The following SYNPO2 variants were observed in gnomAD, a reference collection of about 807,000 sequenced individuals.
SYNPO2 encodes synaptopodin-2.
Under a neutral mutation model 85.0 loss-of-function variants are expected in SYNPO2, and 56 were observed. That is an observed-to-expected ratio of 0.66 (90% CI 0.53 to 0.82). SYNPO2 has a LOEUF of 0.82. Among genes scored for constraint, SYNPO2 ranks in the 40% least tolerant of loss-of-function variants. The probability of loss-of-function intolerance (pLI) is 0.00; values close to 1 mark genes in which losing one functional copy is unlikely to be tolerated. For missense variants in SYNPO2, 1,575 were observed against 1,534.2 expected (o/e 1.03, Z -0.44); for synonymous variants, 602 against 591.1 (o/e 1.02, Z -0.27).
At chr4:118,985,845 A>G (rs1560947015) in intron 1 of SYNPO2, among the ~76,000 whole-genome samples, 1 of 152,226 alleles carries the variant, frequency 6.6e-6, no homozygotes. Flanking sequence ...TTGCTGGGCT[A>G]TATTTCATGT....
intron 1 of SYNPO2, among the ~76,000 whole-genome samples, chr4:118,965,963 G>A (rs1479926699): frequency 6.6e-6 from 1 of 152,062 alleles, no homozygotes; most frequent in African/African-American, 2.4e-5. Flanking sequence ...ACTGAGGTGG[G>A]AGGATTGCTT....
intron 1 of SYNPO2, among the ~76,000 whole-genome samples, chr4:118,971,478 T>C (rs1735539554): frequency 6.6e-6 from 1 of 152,242 alleles, no homozygotes; most frequent in Non-Finnish European, 1.5e-5. Flanking sequence ...CACTGGACAA[T>C]GTGACTTAGA....
chr4:118,977,562 C>T (rs1051037439), intron 1 of SYNPO2, among the ~76,000 whole-genome samples: 27 of 152,334 alleles, frequency 1.8e-4, no homozygotes, highest in Non-Finnish European at 2.9e-4. Context: ...GGGGAGGTGC[C>T]GAGAGCAAGC....
At position 119,058,585 on chromosome 4, in the gene SYNPO2, C is replaced by T. The variant is rs531872887; in HGVS notation, c.*651C>T. The T allele has an allele frequency of 1.3e-4, 20 of 150,572 alleles. No individual in the cohort carries two copies. The highest frequency in any genetic ancestry group is 4.6e-4 in the African/African-American group (19 of 40,972). 9.3% of individuals were successfully genotyped at this position (150,572 alleles called of 1,614,324 possible). Reference sequence around the variant, plus strand: ...CGCCTCCTGGGTTCAAGCAATTCTCCTGCCTCAGCCTCCTGAGTAGCTGGG... The same window carrying T: ...CGCCTCCTGGGTTCAAGCAATTCTCTTGCCTCAGCCTCCTGAGTAGCTGGG... On this transcript the variant is annotated 3_prime_UTR_variant, in exon 5 of 5. Transcript: ENST00000307142.
chr4:118,952,832 G>C (rs917442391), intron 1 of SYNPO2, among the ~76,000 whole-genome samples: 1 of 152,034 alleles, frequency 6.6e-6, no homozygotes, highest in Non-Finnish European at 1.5e-5. Flanking sequence ...CAGTGTGCTG[G>C]TGCTTTACAA....
chr4:119,055,344 G>A (rs1199244818), intron 4 of SYNPO2, among the ~76,000 whole-genome samples: 1 of 151,982 alleles, frequency 6.6e-6, no homozygotes, highest in Non-Finnish European at 1.5e-5. Context: ...TAGTAGAGAT[G>A]GGGTTTCACC....
rs190207227 is a variant in SYNPO2, at chr4:119,037,485, C to T, written c.3252+5458C>T. ...TCATTTGTCTTTTCTTCAGGATACA[C>T]GGTAGAAGTCAGAGAATCTTTGATA... is the stretch of plus-strand genomic sequence containing the variant. On this transcript the variant is annotated intron_variant, in intron 4 of 4. Coordinates refer to ENST00000307142, the MANE Select transcript of SYNPO2 (RefSeq NM_133477.3). The T allele has an allele frequency of 5.0e-4, 513 of 1,024,380 alleles. 3 individuals carry two copies. The African/African-American group carries it at 7.2e-3, about 14-fold the overall frequency. 63.5% of individuals were successfully genotyped at this position (1,024,380 alleles called of 1,614,324 possible).
At chr4:119,007,181 G>T (rs58505213) in intron 1 of SYNPO2, among the ~76,000 whole-genome samples, 31,926 of 126,250 alleles carry the variant, frequency 0.25, 4,213 homozygotes, top group Middle Eastern at 0.33. Context: ...CAAGAATGAG[G>T]AGACTGAAAA....
At chr4:119,007,265 T>TGTATATAC (rs1409260554) in intron 1 of SYNPO2, among the ~76,000 whole-genome samples, 4 of 89,264 alleles carry the variant, frequency 4.5e-5, no homozygotes, top group African/African-American at 2.2e-4. Flanking sequence ...TATATATATA[T>TGTATATAC]ATATATATAT....
chr4:119,023,071 T>C (rs946485072), intron 1 of SYNPO2, among the ~76,000 whole-genome samples: 5 of 152,198 alleles, frequency 3.3e-5, no homozygotes, highest in Non-Finnish European at 7.3e-5. Flanking sequence ...CCACCACGCC[T>C]GGCCTGAATA....
intron 1 of SYNPO2, among the ~76,000 whole-genome samples, chr4:118,969,048 G>A (rs905191861): frequency 6.6e-6 from 1 of 152,196 alleles, no homozygotes; most frequent in East Asian, 1.9e-4. Context: ...GCAAGTCCAG[G>A]AGTCTTTCCA....
Position 118,869,609 on chromosome 4 carries a change from G to A in SYNPO2, c.12+18669G>A, listed in dbSNP as rs193291763. 7.4e-3 allele frequency among the ~76,000 whole-genome samples: 1,132 copies of A among 152,242 alleles called. 9 individuals are homozygous for A. Among genetic ancestry groups the A allele is most frequent in the Admixed American group, 0.012 (182 of 15,296 alleles). ...AATTGGTTGACTGGCCGTGTTGGAA[G>A]TTCAAGAGATTCCTCTACTTGAAGG... On this transcript the variant is annotated intron_variant, in intron 1 of 4. Coordinates refer to the SYNPO2 transcript ENST00000610556.
intron 1 of SYNPO2, among the ~76,000 whole-genome samples, chr4:118,854,608 C>T (rs1190389799): frequency 6.6e-6 from 1 of 152,054 alleles, no homozygotes; most frequent in Non-Finnish European, 1.5e-5. Context: ...TTTGCTTCTG[C>T]AGCAATAAAA....
At chr4:118,855,356 T>C (rs1731486688) in intron 1 of SYNPO2, among the ~76,000 whole-genome samples, 1 of 152,154 alleles carries the variant, frequency 6.6e-6, no homozygotes, top group South Asian at 2.1e-4. Context: ...TGACGAATTA[T>C]TTATTGAAAT....
intron 1 of SYNPO2, among the ~76,000 whole-genome samples, chr4:119,003,178 T>C (rs1333732913): frequency 1.3e-5 from 2 of 152,164 alleles, no homozygotes; most frequent in Non-Finnish European, 2.9e-5. Flanking sequence ...TCACAGTTCC[T>C]TATGGCTGGG....
intron 1 of SYNPO2, among the ~76,000 whole-genome samples, chr4:118,971,683 A>C (rs1578598669): frequency 6.6e-6 from 1 of 152,252 alleles, no homozygotes; most frequent in Non-Finnish European, 1.5e-5. Context: ...AAGTGAGCGC[A>C]TCATCTGTGA....
intron 1 of SYNPO2, among the ~76,000 whole-genome samples, chr4:119,015,775 G>T (rs1047735375): frequency 6.6e-6 from 1 of 152,092 alleles, no homozygotes; most frequent in African/African-American, 2.4e-5. Flanking sequence ...TATTTTACTC[G>T]AATAGAGCAG....
At chr4:119,007,229 T>TATATATGTATATAC (rs1560971776) in intron 1 of SYNPO2, among the ~76,000 whole-genome samples, 17 of 48,050 alleles carry the variant, frequency 3.5e-4, no homozygotes, top group African/African-American at 1.6e-3. Flanking sequence ...TATATATATA[T>TATATATGTATATAC]ATATATATAT....
chr4:118,895,564 C>G (rs1014794728), intron 1 of SYNPO2, among the ~76,000 whole-genome samples: 5 of 152,160 alleles, frequency 3.3e-5, no homozygotes, highest in African/African-American at 1.2e-4. Context: ...TTCTGATAAT[C>G]TCTTCTGTAC....
Sources: allele counts gnomAD v4.1 joint callset (sites outside exome capture counted in the v4.1 genomes callset), GRCh38; gene constraint gnomAD v4.1.1; transcripts MANE v1.5; gene names NCBI Gene and HGNC (gene_info 2026-07-23, HGNC 2026-07-21).